AFF3: variants seen among roughly 807,000 people sequenced by gnomAD.
The protein encoded by AFF3 is ALF transcription elongation factor 3.
In AFF3, 32 loss-of-function variants were observed where a neutral mutation model predicts 129.7. That is an observed-to-expected ratio of 0.25 (90% CI 0.19 to 0.33). The LOEUF is 0.33. Among genes scored for constraint, AFF3 ranks in the 10% least tolerant of loss-of-function variants. The pLI is 1.00. For missense variants in AFF3, 1,373 were observed against 1,592.0 expected, an observed-to-expected ratio of 0.86 and a Z score of 2.34; for synonymous variants, 644 against 635.4, an observed-to-expected ratio of 1.01 and a Z score of -0.20.
At chr2:99,686,967 C>T (rs564341502) in intron 11 of AFF3, among the ~76,000 whole-genome samples, 4 of 152,204 alleles carry the variant, frequency 2.6e-5, no homozygotes, top group Non-Finnish European at 5.9e-5. Context: ...CTTTATGTGC[C>T]AGGCATGTTG....
At chr2:99,763,070 C>A in intron 8 of AFF3, among the ~76,000 whole-genome samples, 1 of 152,370 alleles carries the variant, frequency 6.6e-6, no homozygotes, top group East Asian at 1.9e-4. Context: ...CCCTACGGGC[C>A]TGTACCTGGG....
At chr2:99,626,457 C>T (rs1682577902) in intron 13 of AFF3, among the ~76,000 whole-genome samples, 2 of 64,848 alleles carry the variant, frequency 3.1e-5, no homozygotes, top group African/African-American at 8.6e-5. Context: ...CTTCCCCTTC[C>T]TTCCTTCCTC....
intron 2 of AFF3, among the ~76,000 whole-genome samples, chr2:100,108,269 AC>A (rs1179048615): frequency 2.0e-5 from 3 of 152,150 alleles, no homozygotes; most frequent in Non-Finnish European, 4.4e-5. Flanking sequence ...TTTTAGATCC[AC>A]CCAGGAGTTC....
chr2:99,694,911 G>A (rs1000420159), intron 11 of AFF3, among the ~76,000 whole-genome samples: 3 of 152,132 alleles, frequency 2.0e-5, no homozygotes, highest in South Asian at 2.1e-4. Flanking sequence ...CACTATGTTC[G>A]TCGGGCTAGT....
chr2:99,669,132 C>G (rs924175793), intron 12 of AFF3, among the ~76,000 whole-genome samples: 14 of 152,250 alleles, frequency 9.2e-5, no homozygotes, highest in Non-Finnish European at 1.9e-4. Context: ...TAAAGTTGAA[C>G]ATGCACATAC....
chr2:99,635,133 A>G (rs1027193956), intron 13 of AFF3, among the ~76,000 whole-genome samples: 3 of 151,740 alleles, frequency 2.0e-5, no homozygotes, highest in African/African-American at 7.3e-5. Flanking sequence ...TAGGTATATG[A>G]TATATACACA....
chr2:100,136,351 C>T (rs1003649443), intron 1 of AFF3, among the ~76,000 whole-genome samples: 7 of 151,880 alleles, frequency 4.6e-5, no homozygotes, highest in Admixed American at 2.0e-4. Flanking sequence ...AAAGGGAGGC[C>T]GAGAAGGCGC....
At chr2:99,852,187 T>C (rs1223213536) in intron 7 of AFF3, among the ~76,000 whole-genome samples, 1 of 152,108 alleles carries the variant, frequency 6.6e-6, no homozygotes, top group Non-Finnish European at 1.5e-5. Context: ...AAAAGGAAAG[T>C]CCTAGAGTCA....
intron 9 of AFF3, among the ~76,000 whole-genome samples, chr2:99,748,769 C>A (rs1021951413): frequency 1.3e-5 from 2 of 152,134 alleles, no homozygotes; most frequent in Admixed American, 1.3e-4. Flanking sequence ...ACAAACCGTA[C>A]ATATTTAAAG....
At chr2:100,021,755 T>C (rs1461620560) in intron 4 of AFF3, among the ~76,000 whole-genome samples, 1 of 152,150 alleles carries the variant, frequency 6.6e-6, no homozygotes, top group Non-Finnish European at 1.5e-5. Flanking sequence ...AGGCCTTTCA[T>C]CAATGAAAAA....
chr2:99,707,568 A>AC (rs1325634842), intron 11 of AFF3: 2 of 985,140 alleles, frequency 2.0e-6, no homozygotes, highest in Non-Finnish European at 2.4e-6. Flanking sequence ...CTCGCTGAAA[A>AC]AAAAATCCCC....
At chr2:99,654,589 A>G (rs1445866237) in intron 12 of AFF3, among the ~76,000 whole-genome samples, 1 of 152,232 alleles carries the variant, frequency 6.6e-6, no homozygotes, top group South Asian at 2.1e-4. Context: ...TACAGCAACT[A>G]TATTTTTCTC....
intron 8 of AFF3, among the ~76,000 whole-genome samples, chr2:99,791,070 A>G (rs1685155463): frequency 6.6e-6 from 1 of 152,202 alleles, no homozygotes; most frequent in African/African-American, 2.4e-5. Context: ...CTTTTTCTAG[A>G]CAGGTGATGT....
intron 8 of AFF3, among the ~76,000 whole-genome samples, chr2:99,754,034 G>C (rs908734317): frequency 6.6e-6 from 1 of 152,086 alleles, no homozygotes; most frequent in African/African-American, 2.4e-5. Flanking sequence ...CTAGGACCTG[G>C]TCAGCTCTTA....
chr2:99,992,278 A>G (rs1353675051), intron 7 of AFF3, among the ~76,000 whole-genome samples: 1 of 152,228 alleles, frequency 6.6e-6, no homozygotes, highest in Non-Finnish European at 1.5e-5. Flanking sequence ...AAAGATAAGC[A>G]GTTTATTTAA....
intron 7 of AFF3, among the ~76,000 whole-genome samples, chr2:99,976,438 A>G (rs545857492): frequency 6.6e-6 from 1 of 152,228 alleles, no homozygotes; most frequent in Non-Finnish European, 1.5e-5. Flanking sequence ...CTCCTAGGAA[A>G]AAGGTTCGTA....
chr2:99,770,565 T>C (rs1419828760), intron 8 of AFF3, among the ~76,000 whole-genome samples: 1 of 152,082 alleles, frequency 6.6e-6, no homozygotes, highest in Non-Finnish European at 1.5e-5. Context: ...TCTCTCACTA[T>C]AGCCACCACA....
At chr2:99,739,929 AT>A (rs1205384131) in intron 10 of AFF3, among the ~76,000 whole-genome samples, 5 of 150,952 alleles carry the variant, frequency 3.3e-5, no homozygotes, top group Non-Finnish European at 7.4e-5. Context: ...ATCATTTAAC[AT>A]TAGGTATATC....
chr2:99,920,039 A>C (rs1347857113), intron 7 of AFF3, among the ~76,000 whole-genome samples: 1 of 152,046 alleles, frequency 6.6e-6, no homozygotes, highest in African/African-American at 2.4e-5. Context: ...AATCTAAATA[A>C]CTCTATATCT....
Sources: allele counts gnomAD v4.1 joint callset (sites outside exome capture counted in the v4.1 genomes callset), GRCh38; gene constraint gnomAD v4.1.1; transcripts MANE v1.5; gene names NCBI Gene and HGNC (gene_info 2026-07-23, HGNC 2026-07-21).